The following CACNA1D variants were observed in gnomAD, a reference collection of about 807,000 sequenced individuals.
CACNA1D encodes the protein calcium voltage-gated channel subunit alpha1 D, also known as voltage-dependent L-type calcium channel subunit alpha-1D.
CACNA1D carries 55 observed loss-of-function variants against 257.1 expected under a neutral mutation model. The observed-to-expected ratio is 0.21, with a 90% CI of 0.17 to 0.27. The LOEUF is 0.27. Among genes scored for constraint, CACNA1D ranks in the 10% least tolerant of loss-of-function variants. The pLI is 1.00. For missense variants in CACNA1D, 1,876 were observed against 2,784.0 expected (o/e 0.67, Z 7.34); for synonymous variants, 980 against 1,014.9 (o/e 0.97, Z 0.65).
chr3:53,586,319 T>TGTGTGC lies in CACNA1D; in HGVS notation c.484-64459_484-64458insTGTGCG, dbSNP rs1491378698. Among the ~76,000 whole-genome samples, 894 of 149,958 alleles carry TGTGTGC rather than the reference T, an allele frequency of 6.0e-3. 6 individuals carry two copies. The highest frequency in any genetic ancestry group is 0.014 in the Middle Eastern group (4 of 292). On this transcript the variant is annotated intron_variant, in intron 3 of 47. Transcript: ENST00000350061. ...GTGTGTGTGTGTGTGTGTGTGTGTG[T>TGTGTGC]GCATTCCTCCTTGGAAGATGAGAGC...
chr3:53,532,091 C>A (rs976453894), intron 3 of CACNA1D, among the ~76,000 whole-genome samples: 6 of 152,176 alleles, frequency 3.9e-5, no homozygotes, highest in Middle Eastern at 6.8e-3. Context: ...GTCATCAGGC[C>A]CAGGTTTGTA....
chr3:53,575,455 G>A (rs2093020923), intron 3 of CACNA1D, among the ~76,000 whole-genome samples: 1 of 152,110 alleles, frequency 6.6e-6, no homozygotes, highest in African/African-American at 2.4e-5. Context: ...GATTGAATCG[G>A]GATTATGCTC....
In CACNA1D at chr3:53,666,341, A is replaced by G. The variant is rs765522593; in HGVS notation, c.922A>G (p.Ile308Val). ...HKTCFFADSD[I>V]VAEEDPAPCA... The stretch of plus-strand genomic sequence containing the variant: ...CAGCCTGTTTGCTCTGTTTGCAGAT[A>G]TCGTAGCTGAAGAGGACCCAGCTCC... The change falls in exon 7 of 48, where the codon ATC (isoleucine) becomes GTC (valine). Residue 308 changes from isoleucine to valine, a missense_variant and splice_region_variant. By Grantham distance (29) the Ile-to-Val change is conservative (BLOSUM62 3). Coordinates refer to ENST00000350061, the MANE Select transcript of CACNA1D (RefSeq NM_001128840.3). 1 of 1,613,652 alleles carries G rather than the reference A, an allele frequency of 6.2e-7. No homozygotes were observed. The highest frequency in any genetic ancestry group is 8.5e-7 in the Non-Finnish European group (1 of 1,179,770).
Position 53,718,329 on chromosome 3 carries a change from T to G in CACNA1D, c.1419T>G (p.Ser473=), listed in dbSNP as rs2094842516. ...GCATGCCCACCAGCGAGACTGAGTCTGTGAACACAGAGAACGTCAGCGGTG... is the reference window on the plus strand; with the variant it reads ...GCATGCCCACCAGCGAGACTGAGTCGGTGAACACAGAGAACGTCAGCGGTG... ...NTSMPTSETE[S]VNTENVSGEG... The change falls in exon 10 of 48, where the codon TCT becomes TCG. Residue 473 remains serine, a synonymous_variant. Coordinates refer to ENST00000350061, the MANE Select transcript of CACNA1D (RefSeq NM_001128840.3). 1 of 1,614,080 alleles carries G rather than the reference T, an allele frequency of 6.2e-7. No homozygotes were observed. The highest frequency in any genetic ancestry group is 1.7e-5 in the Admixed American group (1 of 60,014).
intron 2 of CACNA1D, among the ~76,000 whole-genome samples, chr3:53,500,618 G>T (rs1420361977): frequency 6.6e-6 from 1 of 152,182 alleles, no homozygotes; most frequent in Non-Finnish European, 1.5e-5. Flanking sequence ...GTGTATAGGC[G>T]AAGCACTGTG....
chr3:53,693,779 T>A (rs546583416), intron 8 of CACNA1D, among the ~76,000 whole-genome samples: 3 of 152,194 alleles, frequency 2.0e-5, no homozygotes, highest in Non-Finnish European at 4.4e-5. Context: ...TTCGTGGCAG[T>A]TTTCAATGGA....
At chr3:53,525,768 G>C (rs1451983839) in intron 3 of CACNA1D, among the ~76,000 whole-genome samples, 1 of 152,166 alleles carries the variant, frequency 6.6e-6, no homozygotes, top group Non-Finnish European at 1.5e-5. Context: ...GTTGGGGATA[G>C]ATGGCCTTGA....
chr3:53,609,326 C>T (rs771478628), intron 3 of CACNA1D, among the ~76,000 whole-genome samples: 10 of 143,160 alleles, frequency 7.0e-5, no homozygotes, highest in Middle Eastern at 3.6e-3. Context: ...AGAAGAATGG[C>T]GTGATCCTGG....
chr3:53,620,817 A>G (rs1298896712), intron 3 of CACNA1D, among the ~76,000 whole-genome samples: 1 of 152,198 alleles, frequency 6.6e-6, no homozygotes. Flanking sequence ...GTGACTTATG[A>G]CAGATCTGCT....
At position 53,684,261 on chromosome 3, in the gene CACNA1D, G is replaced by T. The variant is rs149607505; in HGVS notation, c.1220+11135G>T. Among the ~76,000 whole-genome samples the T allele has an allele frequency of 3.1e-3, 466 of 152,294 alleles. 1 individual carries two copies. The highest frequency in any genetic ancestry group is 6.8e-3 in the Middle Eastern group (2 of 294). ...CCAACAAATTTGCACTCTAAGAAATGTTAAAGGAGGTTCTTCAGGCTAGAA... is the reference window on the plus strand; with the variant it reads ...CCAACAAATTTGCACTCTAAGAAATTTTAAAGGAGGTTCTTCAGGCTAGAA... On this transcript the variant is annotated intron_variant, in intron 8 of 47. Coordinates refer to ENST00000350061, the MANE Select transcript of CACNA1D (RefSeq NM_001128840.3).
intron 30 of CACNA1D, 77 bp downstream of exon 30, chr3:53,762,158 G>A (rs2095307028): frequency 1.1e-6 from 1 of 912,570 alleles, no homozygotes; most frequent in South Asian, 1.3e-5. Context: ...CTGCCCTGCA[G>A]TGGCATCACC....
At chr3:53,651,990 T>A (rs1482693070) in intron 4 of CACNA1D, among the ~76,000 whole-genome samples, 2 of 152,108 alleles carry the variant, frequency 1.3e-5, no homozygotes, top group Non-Finnish European at 2.9e-5. Flanking sequence ...AGTGGGACAA[T>A]TAGACTTGTG....
intron 9 of CACNA1D, among the ~76,000 whole-genome samples, chr3:53,708,354 T>A (rs565257645): frequency 6.6e-6 from 1 of 152,240 alleles, no homozygotes; most frequent in East Asian, 1.9e-4. Flanking sequence ...ACGGTAAATA[T>A]GCGTCCAGGT....
chr3:53,675,824 T>C (rs1460118), intron 8 of CACNA1D, among the ~76,000 whole-genome samples: 49,332 of 152,018 alleles, frequency 0.32, 7,922 homozygotes, highest in Middle Eastern at 0.39. Flanking sequence ...AAATGACACA[T>C]GAAATTATAA....
At chr3:53,605,414 C>T (rs1042978628) in intron 3 of CACNA1D, among the ~76,000 whole-genome samples, 5 of 152,152 alleles carry the variant, frequency 3.3e-5, no homozygotes, top group Admixed American at 2.6e-4. Context: ...AGAAGGGACT[C>T]GAACTAATTG....
chr3:53,531,547 ATTT>A (rs2091949733), intron 3 of CACNA1D, among the ~76,000 whole-genome samples: 1 of 152,170 alleles, frequency 6.6e-6, no homozygotes, highest in South Asian at 2.1e-4. Flanking sequence ...AAGTTAAATG[ATTT>A]GGTGGGGGCT....
intron 3 of CACNA1D, among the ~76,000 whole-genome samples, chr3:53,561,819 G>A (rs753723033): frequency 6.6e-6 from 1 of 152,158 alleles, no homozygotes; most frequent in Non-Finnish European, 1.5e-5. Flanking sequence ...AAATGGTAAA[G>A]CATTTCTTAA....
chr3:53,590,064 G>A (rs1418467160), intron 3 of CACNA1D, among the ~76,000 whole-genome samples: 3 of 152,146 alleles, frequency 2.0e-5, no homozygotes, highest in African/African-American at 7.2e-5. Flanking sequence ...AAATCCCTTT[G>A]GTCCTTTTCA....
chr3:53,777,426 G>A (rs1001004981), intron 37 of CACNA1D, among the ~76,000 whole-genome samples: 2 of 152,214 alleles, frequency 1.3e-5, no homozygotes, highest in South Asian at 4.1e-4. Context: ...CCCATGTTAG[G>A]AAGTTGGCTG....
Sources: allele counts gnomAD v4.1 joint callset (sites outside exome capture counted in the v4.1 genomes callset), GRCh38; gene constraint gnomAD v4.1.1; transcripts MANE v1.5; gene names NCBI Gene and HGNC (gene_info 2026-07-23, HGNC 2026-07-21).